Variants in BUB1 observed in about 807,000 individuals in gnomAD.
The protein encoded by BUB1 is BUB1 mitotic checkpoint serine/threonine kinase, also known as mitotic checkpoint serine/threonine-protein kinase BUB1.
In BUB1, 84 loss-of-function variants were observed where a neutral mutation model predicts 135.2. That is an observed-to-expected ratio of 0.62 (90% CI 0.52 to 0.74). The LOEUF is 0.74. Ranked by LOEUF, BUB1 falls within the 30% of genes least tolerant of loss-of-function variation. The probability of loss-of-function intolerance (pLI) is 0.00; values close to 1 mark genes in which losing one functional copy is unlikely to be tolerated. For synonymous variants in BUB1, 403 were observed against 434.4 expected (o/e 0.93, Z 0.90); for missense variants, 1,162 against 1,288.3 (o/e 0.90, Z 1.50).
At chr2:110,643,601 C>T (rs72942118) in intron 19 of BUB1, among the ~76,000 whole-genome samples, 3,858 of 152,194 alleles carry the variant, frequency 0.025, 149 homozygotes, top group African/African-American at 0.088. Flanking sequence ...GAAACAGACA[C>T]ACATATGGCA....
chr2:110,656,021 G>C, intron 15 of BUB1, 105 bp from the exon 16 acceptor site: 1 of 1,103,438 alleles, frequency 9.1e-7, no homozygotes. Flanking sequence ...GATTAAAGAA[G>C]AAACAGATGT....
Position 110,661,835 on chromosome 2 carries a change from G to T in BUB1, c.964C>A (p.Pro322Thr). ...PASQERSEVN[P>T]ARMGPSVGSQ... ...CCTACACTTGGCCCCATACGTGCTGGATTAACCTTTCATATTAAACAAACA... is the reference window on the plus strand; with the variant it reads ...CCTACACTTGGCCCCATACGTGCTGTATTAACCTTTCATATTAAACAAACA... Residue 322 changes from proline to threonine, a missense_variant, in exon 10 of 25, where the codon CCA (proline) becomes ACA (threonine). Transcript: ENST00000302759. 6.2e-7 allele frequency: 1 copy of T among 1,613,334 alleles called. No homozygotes were observed. Among genetic ancestry groups the T allele is most frequent in the Non-Finnish European group, 8.5e-7 (1 of 1,179,670 alleles).
rs757326316 is a variant in BUB1 at position 110,661,592 on chromosome 2, T to C, written c.1207A>G (p.Lys403Glu). Residue 403 changes from lysine to glutamate, a missense_variant, in exon 10 of 25, where the codon AAA becomes GAA. Transcript: ENST00000302759. ...CTACCTTCAGCTTACCCAGCATCTTTGCTGGCCACTGCAAACATGGAGTCT... is the reference window on the plus strand; with the variant it reads ...CTACCTTCAGCTTACCCAGCATCTTCGCTGGCCACTGCAAACATGGAGTCT... The part of the protein sequence containing the change: ...VTDSMFAVAS[K>E]DAGCVNKSTH... The C allele has an allele frequency of 1.2e-6, 2 of 1,614,086 alleles. No individual in the cohort carries two copies. The highest frequency in any genetic ancestry group is 1.7e-6 in the Non-Finnish European group (2 of 1,179,984).
At position 110,658,449 on chromosome 2, in the gene BUB1, G is replaced by T; in HGVS notation, c.1477C>A (p.Leu493Ile). ...ISDDKDEWQS[L>I]DQNEDAFEAQ... is the part of the protein sequence containing the mutation. Reference sequence around the variant, plus strand: ...TCAAATGCATCTTCATTTTGATCTAGAGATTGCCATTCATCTTTGTCATCA... The same window carrying T: ...TCAAATGCATCTTCATTTTGATCTATAGATTGCCATTCATCTTTGTCATCA... Residue 493 changes from leucine to isoleucine, a missense_variant, in exon 13 of 25, where the codon CTA (leucine) becomes ATA (isoleucine). Coordinates refer to ENST00000302759, the MANE Select transcript of BUB1 (RefSeq NM_004336.5). 1.9e-6 allele frequency: 3 copies of T among 1,613,968 alleles called. No homozygotes were observed. In the African/African-American group the frequency reaches 4.0e-5, roughly 22 times the overall value.
chr2:110,649,390 A>G lies in BUB1; in HGVS notation c.2204-13T>C. 1 of 1,502,420 alleles carries G rather than the reference A, an allele frequency of 6.7e-7. No individual in the cohort carries two copies. The highest frequency in any genetic ancestry group is 2.3e-5 in the Admixed American group (1 of 44,038). The allele number at this position is 1,502,420 out of a possible 1,614,324, so 93.1% of individuals were successfully genotyped here. The stretch of plus-strand genomic sequence containing the variant: ...CCAACAATGAAGTCTTAAAGGAATG[A>G]GAAAAAAAAAAAAAAAGGGAACATG... On this transcript the variant is annotated splice_polypyrimidine_tract_variant and intron_variant, in intron 18 of 24. Coordinates refer to ENST00000302759, the MANE Select transcript of BUB1 (RefSeq NM_004336.5).
At chr2:110,647,663 A>T in intron 19 of BUB1, among the ~76,000 whole-genome samples, 1 of 152,196 alleles carries the variant, frequency 6.6e-6, no homozygotes, top group Admixed American at 6.5e-5. Flanking sequence ...TAGGTAATAA[A>T]CTATGTAGAT....
At chr2:110,673,965 CTCTG>C (rs1179914972) in intron 3 of BUB1, 117 bp downstream of exon 3, 7 of 823,874 alleles carry the variant, frequency 8.5e-6, no homozygotes, top group Non-Finnish European at 1.3e-5. Context: ...AGATTTTCCT[CTCTG>C]TATCTTCAGA....
intron 10 of BUB1, among the ~76,000 whole-genome samples, chr2:110,660,354 C>A (rs1476847162): frequency 6.7e-6 from 1 of 150,132 alleles, no homozygotes. Context: ...CCAGCCTGGG[C>A]AACAAGAGCG....
At chr2:110,670,970 T>C (rs1337888261) in intron 4 of BUB1, among the ~76,000 whole-genome samples, 2 of 152,202 alleles carry the variant, frequency 1.3e-5, no homozygotes, top group African/African-American at 4.8e-5. Flanking sequence ...GTACTTAGAT[T>C]ACTGCTTCAA....
chr2:110,671,066 G>A (rs1690406388), intron 4 of BUB1, among the ~76,000 whole-genome samples: 5 of 152,074 alleles, frequency 3.3e-5, no homozygotes, highest in Admixed American at 3.3e-4. Flanking sequence ...CTACCTGTCG[G>A]GTAATGTGCA....
intron 1 of BUB1, among the ~76,000 whole-genome samples, chr2:110,677,329 A>G (rs1690618029): frequency 6.6e-6 from 1 of 152,226 alleles, no homozygotes; most frequent in Admixed American, 6.5e-5. Context: ...GACCAGTTTT[A>G]CTTCCTGAAC....
At chr2:110,663,522 A>T (rs1315359950) in intron 9 of BUB1, among the ~76,000 whole-genome samples, 4 of 152,192 alleles carry the variant, frequency 2.6e-5, no homozygotes, top group Non-Finnish European at 4.4e-5. Flanking sequence ...TGAAAAAGGG[A>T]GGCTTCTAGT....
chr2:110,659,988 C>A lies in BUB1; in HGVS notation c.1266G>T (p.Glu422Asp). ...THEFKPQSGA[E>D]IKEGCETHKV... Reference sequence around the variant, plus strand: ...ATAATTAAACATTACCTTCTTTGATCTCTGCTCCACTCTGTGGCTTGAATT... The same window carrying A: ...ATAATTAAACATTACCTTCTTTGATATCTGCTCCACTCTGTGGCTTGAATT... The change falls in exon 11 of 25, where the codon GAG (glutamate) becomes GAT (aspartate). Residue 422 changes from glutamate (E) to aspartate (D), a missense_variant. Transcript: ENST00000302759. The A allele has an allele frequency of 6.2e-7, 1 of 1,610,240 alleles. No homozygotes were observed. The highest frequency in any genetic ancestry group is 8.5e-7 in the Non-Finnish European group (1 of 1,176,678).
chr2:110,674,703 GCTC>G (rs912190595), intron 1 of BUB1, among the ~76,000 whole-genome samples: 11 of 152,196 alleles, frequency 7.2e-5, no homozygotes, highest in African/African-American at 2.4e-4. Context: ...CCAGAAGTTT[GCTC>G]CTCCTCCTAA....
chr2:110,665,590 T>C (rs1294867274), intron 9 of BUB1, among the ~76,000 whole-genome samples: 1 of 151,818 alleles, frequency 6.6e-6, no homozygotes, highest in Non-Finnish European at 1.5e-5. Flanking sequence ...TGTGTGTGTG[T>C]GTGTGTGTGT....
At chr2:110,656,334 C>T (rs1689932384) in intron 15 of BUB1, among the ~76,000 whole-genome samples, 1 of 152,068 alleles carries the variant, frequency 6.6e-6, no homozygotes, top group South Asian at 2.1e-4. Flanking sequence ...ACTAATGTGC[C>T]TCCTCTGTTC....
At position 110,657,525 on chromosome 2, in the gene BUB1, AAC is replaced by A; in HGVS notation, c.1616+19_1616+20del. 1 of 1,567,082 alleles carries A rather than the reference AAC, an allele frequency of 6.4e-7. No homozygotes were observed. The highest frequency in any genetic ancestry group is 1.1e-5 in the South Asian group (1 of 86,968). On this transcript the variant is annotated intron_variant, in intron 14 of 24. Coordinates refer to ENST00000302759, the MANE Select transcript of BUB1 (RefSeq NM_004336.5). ...AGAGAAAACTCGGCAGCATCCCATT[AAC>A]TAGATGGTATTTTTTTACCCATAAT...
In BUB1 at chr2:110,666,246, TGAG is replaced by T; in HGVS notation, c.957+14_957+16del. The T allele has an allele frequency of 7.4e-7, 1 of 1,351,390 alleles. No individual in the cohort carries two copies. The highest frequency in any genetic ancestry group is 1.5e-5 in the African/African-American group (1 of 67,302). 83.7% of individuals were successfully genotyped at this position (1,351,390 alleles called of 1,614,324 possible). A position where few individuals can be genotyped will look rare whatever the true frequency, so the allele number is the denominator to read the frequency against. On this transcript the variant is annotated intron_variant, in intron 9 of 24. Transcript: ENST00000302759. ...CTGCTGCTGGGCACAGGATGTGTCA[TGAG>T]GAGCACAACATACCTCGGACCTTTC... is the stretch of plus-strand genomic sequence containing the variant.
Position 110,657,618 on chromosome 2 carries a change from C to G in BUB1, c.1544G>C (p.Gly515Ala). ...CAAAGAAGAGATGATCTTATTGACT[C>G]CCCAAGCCCCAGATGACCTTACATT... ...QKNVRSSGAW[G>A]VNKIISSLSS... Residue 515 changes from glycine (G) to alanine (A), a missense_variant, in exon 14 of 25, where the codon GGA becomes GCA. By Grantham distance (60) the Gly-to-Ala change is moderately conservative. Coordinates refer to ENST00000302759, the MANE Select transcript of BUB1 (RefSeq NM_004336.5). 6.2e-7 allele frequency: 1 copy of G among 1,600,938 alleles called. No individual in the cohort carries two copies. The highest frequency in any genetic ancestry group is 8.5e-7 in the Non-Finnish European group (1 of 1,173,014).
Sources: allele counts gnomAD v4.1 joint callset (sites outside exome capture counted in the v4.1 genomes callset), GRCh38; gene constraint gnomAD v4.1.1; transcripts MANE v1.5; gene names NCBI Gene and HGNC (gene_info 2026-07-23, HGNC 2026-07-21).